ROBO2: variants seen among roughly 807,000 people sequenced by gnomAD.
The protein encoded by ROBO2 is roundabout guidance receptor 2.
Under a neutral mutation model 160.8 loss-of-function variants are expected in ROBO2, and 53 were observed. The observed-to-expected ratio is 0.33, with a 90% CI of 0.26 to 0.41. The LOEUF (loss-of-function observed/expected upper bound fraction) is 0.41. Ranked by LOEUF, ROBO2 falls within the 10% of genes least tolerant of loss-of-function variation. The pLI, the probability that ROBO2 is intolerant of heterozygous loss-of-function variation, is 1.00. For synonymous variants in ROBO2, 664 were observed against 611.7 expected (o/e 1.09, Z -1.26); for missense variants, 1,577 against 1,722.4 (o/e 0.92, Z 1.49).
At chr3:76,810,971 T>A (rs1386438383) in intron 2 of ROBO2, among the ~76,000 whole-genome samples, 1 of 152,188 alleles carries the variant, frequency 6.6e-6, no homozygotes, top group Admixed American at 6.5e-5. Context: ...TAATGAACCA[T>A]TTTAATCAGT....
rs1377854643 is a variant in ROBO2, at chr3:76,119,916, C to CCCTCCCTTCCTTCCTCCCTTCCTT, written c.109+182317_109+182318insCCCTTCCTTCCTCCCTTCCTTCCT. 2.5e-3 allele frequency among the ~76,000 whole-genome samples: 219 copies of CCCTCCCTTCCTTCCTCCCTTCCTT among 88,176 alleles called. 6 individuals carry two copies. Among genetic ancestry groups the CCCTCCCTTCCTTCCTCCCTTCCTT allele is most frequent in the African/African-American group, 9.8e-3 (204 of 20,902 alleles). 57.8% of individuals were successfully genotyped at this position (88,176 alleles called of 152,430 possible). Reference sequence around the variant, plus strand: ...CCTTCCTTCCCTTCCTTCCCTCCCTCCCTTCCTTCCTTCCTTCCTTCCTTC... The same window carrying CCCTCCCTTCCTTCCTCCCTTCCTT: ...CCTTCCTTCCCTTCCTTCCCTCCCTCCCTCCCTTCCTTCCTCCCTTCCTTCCTTCCTTCCTTCCTTCCTTCCTTC... On this transcript the variant is annotated intron_variant, in intron 2 of 26. Transcript: ENST00000487694.
intron 2 of ROBO2, among the ~76,000 whole-genome samples, chr3:77,390,302 T>G (rs1405626402): frequency 1.3e-5 from 2 of 152,184 alleles, no homozygotes; most frequent in African/African-American, 2.4e-5. Context: ...TCTGGTGTTT[T>G]TCTTGATGTA....
At chr3:77,439,755 A>T (rs748815581) in intron 2 of ROBO2, among the ~76,000 whole-genome samples, 2 of 151,910 alleles carry the variant, frequency 1.3e-5, no homozygotes, top group African/African-American at 4.8e-5. Flanking sequence ...TACCCTCCCC[A>T]ATTTTCCTCT....
intron 2 of ROBO2, among the ~76,000 whole-genome samples, chr3:76,304,477 T>C (rs1243285326): frequency 6.6e-6 from 1 of 152,336 alleles, no homozygotes; most frequent in East Asian, 1.9e-4. Flanking sequence ...TCAAGAGTTA[T>C]GAAGCTAATG....
intron 2 of ROBO2, among the ~76,000 whole-genome samples, chr3:76,628,864 T>G (rs1203391517): frequency 6.6e-6 from 1 of 152,162 alleles, no homozygotes; most frequent in Non-Finnish European, 1.5e-5. Context: ...AGTTTAAGAG[T>G]TTTTGAAATA....
intron 2 of ROBO2, among the ~76,000 whole-genome samples, chr3:76,099,036 T>A (rs1245438114): frequency 6.6e-6 from 1 of 152,172 alleles, no homozygotes; most frequent in Non-Finnish European, 1.5e-5. Context: ...AGTGGGCATC[T>A]ATTTTTCATC....
chr3:76,213,701 G>C (rs541054250), intron 2 of ROBO2, among the ~76,000 whole-genome samples: 1 of 152,272 alleles, frequency 6.6e-6, no homozygotes, highest in Non-Finnish European at 1.5e-5. Flanking sequence ...TCAGGTTTTT[G>C]TGGTGTAAAG....
chr3:75,958,283 T>G (rs1327274068), intron 2 of ROBO2, among the ~76,000 whole-genome samples: 1 of 151,804 alleles, frequency 6.6e-6, no homozygotes, highest in African/African-American at 2.4e-5. Flanking sequence ...ATTTGTTCAA[T>G]CACTCCTTTA....
chr3:76,935,940 C>T (rs1278212483), intron 2 of ROBO2, among the ~76,000 whole-genome samples: 4 of 152,032 alleles, frequency 2.6e-5, no homozygotes, highest in Non-Finnish European at 4.4e-5. Flanking sequence ...ATCACATTGG[C>T]GATTAGGTTT....
intron 2 of ROBO2, among the ~76,000 whole-genome samples, chr3:77,219,303 G>T (rs895641415): frequency 2.0e-5 from 3 of 151,518 alleles, no homozygotes; most frequent in Non-Finnish European, 2.9e-5. Context: ...AGTGCCCATT[G>T]TTGCTCCTTT....
intron 2 of ROBO2, among the ~76,000 whole-genome samples, chr3:76,632,190 A>C (rs1005359899): frequency 1.3e-5 from 2 of 152,196 alleles, no homozygotes; most frequent in Non-Finnish European, 2.9e-5. Flanking sequence ...GCTTGCAGGG[A>C]AACATTGGAG....
intron 2 of ROBO2, among the ~76,000 whole-genome samples, chr3:77,276,320 C>T (rs1335903325): frequency 6.6e-6 from 1 of 151,988 alleles, no homozygotes; most frequent in Non-Finnish European, 1.5e-5. Flanking sequence ...AACAATTTTT[C>T]CTAATTGCTA....
chr3:76,444,987 T>A (rs1002125467), intron 2 of ROBO2, among the ~76,000 whole-genome samples: 3 of 152,142 alleles, frequency 2.0e-5, no homozygotes, highest in Admixed American at 2.0e-4. Context: ...CTGAGGTTTT[T>A]TGGAAATATG....
chr3:77,136,827 G>A (rs942920553), intron 2 of ROBO2, among the ~76,000 whole-genome samples: 9 of 151,990 alleles, frequency 5.9e-5, no homozygotes, highest in Non-Finnish European at 8.8e-5. Context: ...AGTAGAGATA[G>A]GGTTTCACTG....
intron 2 of ROBO2, among the ~76,000 whole-genome samples, chr3:76,238,629 T>C (rs1411616884): frequency 2.2e-3 from 194 of 89,898 alleles, no homozygotes; most frequent in African/African-American, 2.8e-3. Flanking sequence ...CCCCCCAGGT[T>C]TCCCCCTAGA....
exon 1 of ROBO2, chr3:77,040,067 C>A: frequency 3.1e-6 from 2 of 640,934 alleles, no homozygotes; most frequent in Non-Finnish European, 3.9e-6. Flanking sequence ...TCCCTCCCTC[C>A]CTCCCTCGCT....
At chr3:76,585,288 C>T (rs1222357351) in intron 2 of ROBO2, among the ~76,000 whole-genome samples, 1 of 152,210 alleles carries the variant, frequency 6.6e-6, no homozygotes, top group Non-Finnish European at 1.5e-5. Context: ...TTATACACTT[C>T]AGGCATTTTG....
chr3:77,440,871 T>C (rs1283913834), intron 2 of ROBO2, among the ~76,000 whole-genome samples: 1 of 152,144 alleles, frequency 6.6e-6, no homozygotes, highest in African/African-American at 2.4e-5. Context: ...GGGTTGCGGG[T>C]GGTGAGGACG....
intron 2 of ROBO2, among the ~76,000 whole-genome samples, chr3:76,787,591 A>G (rs9815433): frequency 0.011 from 1,741 of 151,570 alleles, 24 homozygotes; most frequent in African/African-American, 0.038. Context: ...TTTGTTATCT[A>G]TAAGTTCTCT....
Sources: gnomAD v4.1 joint callset for allele counts (sites outside exome capture counted in the v4.1 genomes callset) on GRCh38, gnomAD v4.1.1 for gene constraint, MANE v1.5 for transcripts, NCBI Gene and HGNC (gene_info 2026-07-23, HGNC 2026-07-21) for gene names.